EVC2: variants seen among roughly 807,000 people sequenced by gnomAD.
EVC2 encodes limbin.
A neutral mutation model predicts 149.3 loss-of-function variants in EVC2; 148 were observed. That is an observed-to-expected ratio of 0.99 (90% confidence interval 0.87 to 1.14). The LOEUF is 1.14. EVC2 is among the 50% of genes most tolerant of loss of function. The pLI, the probability that EVC2 is intolerant of heterozygous loss-of-function variation, is 0.00. For missense variants in EVC2, 1,854 were observed against 1,627.3 expected (o/e 1.14, Z -2.40); for synonymous variants, 776 against 649.9 (o/e 1.19, Z -2.95).
At chr4:5,565,201 C>A in intron 21 of EVC2, 57 bp downstream of exon 21, 1 of 1,564,692 alleles carries the variant, frequency 6.4e-7, no homozygotes, top group South Asian at 1.1e-5. Flanking sequence ...CCAGCCTGGC[C>A]CACAGGCAGC....
At chr4:5,604,816 T>C (rs941752836) in intron 16 of EVC2, among the ~76,000 whole-genome samples, 2 of 151,958 alleles carry the variant, frequency 1.3e-5, no homozygotes, top group African/African-American at 4.8e-5. Flanking sequence ...ATCCCATAAA[T>C]ATGTACCAAT....
chr4:5,638,722 G>A (rs1168974181), intron 10 of EVC2, among the ~76,000 whole-genome samples: 3 of 152,086 alleles, frequency 2.0e-5, no homozygotes, highest in Non-Finnish European at 4.4e-5. Context: ...ATTTAGGTGG[G>A]ACCTAAATTC....
intron 13 of EVC2, among the ~76,000 whole-genome samples, 181 bp from the exon 14 acceptor site, chr4:5,623,172 G>C (rs148720430): frequency 1.3e-5 from 2 of 152,094 alleles, no homozygotes; most frequent in Non-Finnish European, 1.5e-5. Flanking sequence ...ATCTTGCTCT[G>C]TTGCCCAGGC....
intron 16 of EVC2, among the ~76,000 whole-genome samples, chr4:5,609,700 G>T (rs766999780): frequency 4.6e-5 from 7 of 152,162 alleles, no homozygotes; most frequent in Non-Finnish European, 8.8e-5. Context: ...GCCAAGGCAC[G>T]CTCACCCTGC....
At chr4:5,673,565 C>CCCA (rs137990248) in intron 7 of EVC2, among the ~76,000 whole-genome samples, 117,031 of 151,878 alleles carry the variant, frequency 0.77, 45,442 homozygotes, top group African/African-American at 0.85. Flanking sequence ...ATCCCGGCTT[C>CCCA]CCCCCCAGAG....
intron 17 of EVC2, among the ~76,000 whole-genome samples, chr4:5,577,327 TA>T (rs554082898): frequency 4.5e-4 from 68 of 152,328 alleles, no homozygotes; most frequent in Non-Finnish European, 8.5e-4. Context: ...CAGGATTAGA[TA>T]ATCTCACACA....
chr4:5,595,301 T>G (rs960319128), intron 16 of EVC2, among the ~76,000 whole-genome samples: 1 of 152,198 alleles, frequency 6.6e-6, no homozygotes, highest in African/African-American at 2.4e-5. Context: ...GGAAAAAATG[T>G]TAAGGGCAGC....
intron 16 of EVC2, among the ~76,000 whole-genome samples, chr4:5,591,915 T>A (rs1356651418): frequency 6.6e-6 from 1 of 152,212 alleles, no homozygotes. Context: ...AAACAACTTC[T>A]TACTACTTTT....
chr4:5,691,666 T>G (rs1370966182), intron 3 of EVC2, among the ~76,000 whole-genome samples: 1 of 152,134 alleles, frequency 6.6e-6, no homozygotes, highest in Non-Finnish European at 1.5e-5. Flanking sequence ...ATTTAACATG[T>G]ACCGTGTGCT....
intron 7 of EVC2, among the ~76,000 whole-genome samples, chr4:5,668,220 A>AT (rs780297093): frequency 3.3e-5 from 5 of 152,148 alleles, no homozygotes; most frequent in Admixed American, 1.3e-4. Flanking sequence ...TCAAGGTTAC[A>AT]TTTTTTCTGA....
At chr4:5,597,444 T>A (rs1196277522) in intron 16 of EVC2, among the ~76,000 whole-genome samples, 1 of 151,946 alleles carries the variant, frequency 6.6e-6, no homozygotes, top group Non-Finnish European at 1.5e-5. Flanking sequence ...ATCCAGCATA[T>A]AAACAGAACC....
At chr4:5,632,686 T>C (rs531518791) in intron 10 of EVC2, among the ~76,000 whole-genome samples, 15 of 152,144 alleles carry the variant, frequency 9.9e-5, no homozygotes, top group Non-Finnish European at 1.8e-4. Context: ...AAAGAGGTCT[T>C]TAGAAATGGC....
chr4:5,611,782 T>G (rs1201906270), intron 16 of EVC2, among the ~76,000 whole-genome samples: 2 of 152,190 alleles, frequency 1.3e-5, no homozygotes, highest in Non-Finnish European at 2.9e-5. Context: ...ATCTGAAACT[T>G]AAGTTACAGA....
At chr4:5,545,771 C>A (rs1311241519) in intron 21 of EVC2, among the ~76,000 whole-genome samples, 1 of 151,870 alleles carries the variant, frequency 6.6e-6, no homozygotes, top group African/African-American at 2.4e-5. Flanking sequence ...CCACAAATAA[C>A]AAAATTGGCA....
chr4:5,704,020 G>T (rs1721988312), intron 1 of EVC2, among the ~76,000 whole-genome samples: 1 of 152,172 alleles, frequency 6.6e-6, no homozygotes, highest in Admixed American at 6.5e-5. Flanking sequence ...ACACAAGGAG[G>T]CCAGGGTGCC....
At position 5,572,842 on chromosome 4, in the gene EVC2, C is replaced by T. The variant is rs966727140; in HGVS notation, c.3360+1843G>A. 4.6e-5 allele frequency among the ~76,000 whole-genome samples: 7 copies of T among 152,178 alleles called. No individual in the cohort carries two copies. In the East Asian group the frequency reaches 9.7e-4, roughly 21 times the overall value. On this transcript the variant is annotated intron_variant, in intron 19 of 21. Transcript: ENST00000344408. ...TTGAGAGTGGGAGATGGCTCAGTTA[C>T]GCAGAGACATAGGCCGGGGTGGTCA...
chr4:5,643,388 G>GC (rs1553841493), intron 9 of EVC2, among the ~76,000 whole-genome samples: 2 of 152,046 alleles, frequency 1.3e-5, no homozygotes, highest in Non-Finnish European at 2.9e-5. Context: ...CCATGTAATT[G>GC]TTTTTTTCAC....
At chr4:5,556,174 C>T (rs560908402) in intron 21 of EVC2, among the ~76,000 whole-genome samples, 3 of 80,490 alleles carry the variant, frequency 3.7e-5, no homozygotes, top group Admixed American at 1.9e-4. Flanking sequence ...TGTGAGACTC[C>T]GTCTCAAAAA....
At chr4:5,537,242 T>C in the EVC2 span, among the ~76,000 whole-genome samples, 5 of 151,570 alleles carry the variant, frequency 3.3e-5, no homozygotes, top group Non-Finnish European at 5.9e-5. Context: ...CAGGGCAGAG[T>C]TTTGGAGAGA....
Sources: gnomAD v4.1 joint callset for allele counts (sites outside exome capture counted in the v4.1 genomes callset) on GRCh38, gnomAD v4.1.1 for gene constraint, MANE v1.5 for transcripts, NCBI Gene and HGNC (gene_info 2026-07-23, HGNC 2026-07-21) for gene names.